BBS1: variants seen among roughly 807,000 people sequenced by gnomAD.
The protein encoded by BBS1 is BBSome complex member BBS1.
A neutral mutation model predicts 73.9 loss-of-function variants in BBS1; 60 were observed. The observed-to-expected ratio is 0.81, with a 90% CI of 0.66 to 1.01. BBS1 has a LOEUF of 1.01. BBS1 is among the 50% of genes least tolerant of loss of function. The pLI is 0.00. For missense variants in BBS1, 718 were observed against 770.3 expected, an observed-to-expected ratio of 0.93 and a Z score of 0.80; for synonymous variants, 283 against 317.4, an observed-to-expected ratio of 0.89 and a Z score of 1.15.
rs759690825 is a variant in BBS1, at chr11:66,523,777, C to T, written c.1005C>T (p.Leu335=). The T allele has an allele frequency of 6.2e-7, 1 of 1,613,372 alleles. No individual in the cohort carries two copies. The highest frequency in any genetic ancestry group is 1.1e-5 in the South Asian group (1 of 91,088). Residue 335 remains leucine, a synonymous_variant, in exon 11 of 17, where the codon CTC becomes CTT. Transcript: ENST00000318312. ...CCGCAGCCATCCTGACCATGAACCT[C>T]CTGGAGCAGCATTCCCGGGGCCTGC... The part of the protein sequence containing the change: ...QMPAAILTMN[L]LEQHSRGLQA...
chr11:66,531,020 T>G lies in BBS1; in HGVS notation c.1600T>G (p.Phe534Val), dbSNP rs749409030. The change falls in exon 15 of 17, where the codon TTC becomes GTC. Residue 534 changes from phenylalanine (F) to valine (V), a missense_variant. Coordinates refer to ENST00000318312, the MANE Select transcript of BBS1 (RefSeq NM_024649.5). ...GGCGCTCTATTCCCTGCCCCGGGCC[T>G]TCTTCAAGGTACTGGATGCTCCTCA... is the stretch of plus-strand genomic sequence containing the variant. ...NEALYSLPRA[F>V]FKVPLLVPGL... 3.0e-5 allele frequency: 49 copies of G among 1,614,076 alleles called. No individual in the cohort carries two copies. The highest frequency in any genetic ancestry group is 3.9e-5 in the Non-Finnish European group (46 of 1,180,024).
At position 66,514,548 on chromosome 11, in the gene BBS1, C is replaced by T. The variant is rs1856009814; in HGVS notation, c.302C>T (p.Thr101Ile). ...TFLMEQHEPR[T>I]PALALASGPC... ...CTCATGGAGCAACATGAGCCCCGGA[C>T]CCCAGCTCTGGCACTTGCTTCAGGC... is the stretch of plus-strand genomic sequence containing the variant. Residue 101 changes from threonine (T) to isoleucine (I), a missense_variant, in exon 4 of 17, where the codon ACC becomes ATC. Physicochemically the swap from Thr to Ile is moderately conservative, Grantham distance 89 (BLOSUM62 -1). Transcript: ENST00000318312. 2.5e-6 allele frequency: 4 copies of T among 1,614,042 alleles called. No homozygotes were observed. Among genetic ancestry groups the T allele is most frequent in the African/African-American group, 1.3e-5 (1 of 74,926 alleles).
intron 7 of BBS1, among the ~76,000 whole-genome samples, chr11:66,517,220 A>G: frequency 6.7e-6 from 1 of 148,672 alleles, no homozygotes; most frequent in Non-Finnish European, 1.5e-5. Flanking sequence ...CCAAAAAACA[A>G]AAAAAAAAAG....
At chr11:66,518,716 T>C (rs886635670) in intron 7 of BBS1, among the ~76,000 whole-genome samples, 4 of 151,468 alleles carry the variant, frequency 2.6e-5, no homozygotes, top group African/African-American at 4.8e-5. Context: ...CCTCCCAGAG[T>C]GCTGGGCTTA....
rs57206562 is a variant in BBS1, at chr11:66,516,587, G to A, written c.591+654G>A. On this transcript the variant is annotated intron_variant, in intron 7 of 16. Transcript: ENST00000318312. ...AGGGTAGGGAGCTGGGTCTTCCTCCGTCACCCAGGCTGGAGTGCAGTGGTG... is the reference window on the plus strand; with the variant it reads ...AGGGTAGGGAGCTGGGTCTTCCTCCATCACCCAGGCTGGAGTGCAGTGGTG... 7.0e-3 allele frequency among the ~76,000 whole-genome samples: 1,064 copies of A among 152,080 alleles called. 10 individuals are homozygous for A. The highest frequency in any genetic ancestry group is 0.024 in the African/African-American group (993 of 41,488).
At chr11:66,529,128 C>T (rs570608054) in intron 13 of BBS1, 286 of 976,710 alleles carry the variant, frequency 2.9e-4, no homozygotes, top group East Asian at 1.2e-3. Context: ...CACACATAAA[C>T]GGAAGAGCGA....
At chr11:66,525,938 C>T (rs1184697188) in intron 11 of BBS1, among the ~76,000 whole-genome samples, 185 bp from the exon 12 acceptor site, 2 of 152,098 alleles carry the variant, frequency 1.3e-5, no homozygotes, top group Non-Finnish European at 2.9e-5. Context: ...GATATTTGGT[C>T]TGGAACTGAG....
intron 1 of BBS1, 49 bp downstream of exon 1, chr11:66,510,755 G>T (rs757299270): frequency 5.6e-6 from 9 of 1,609,732 alleles, no homozygotes; most frequent in Non-Finnish European, 7.6e-6. Flanking sequence ...TGTAAAGAGG[G>T]TCCCTTGGTC....
chr11:66,524,870 C>G (rs955362229), intron 11 of BBS1, among the ~76,000 whole-genome samples: 1 of 151,846 alleles, frequency 6.6e-6, no homozygotes, highest in Non-Finnish European at 1.5e-5. Flanking sequence ...GCCTGGCCAA[C>G]ATGGTGAAAC....
In BBS1 at chr11:66,523,533, TG is replaced by T; in HGVS notation, c.910del (p.Val304TrpfsTer28). 1 of 1,614,118 alleles carries T rather than the reference TG, an allele frequency of 6.2e-7. No individual in the cohort carries two copies. Among genetic ancestry groups the T allele is most frequent in the South Asian group, 1.1e-5 (1 of 91,074 alleles). ...CTTATCCGGGTACACAAGGTCCTAG[TG>T]GTGGGCAGCACCCAAGACAGCCTGC... ...VGLIRVHKVLVVGSTQDSLHG... is the reference protein window; with the variant it reads ...VGLIRVHKVLXVGSTQDSLHG... On this transcript the variant is annotated frameshift_variant, in exon 10 of 17. Transcript: ENST00000318312. LOFTEE classifies it high-confidence loss of function.
chr11:66,531,511 C>T, intron 15 of BBS1, 145 bp from the exon 16 acceptor site: 1 of 1,064,402 alleles, frequency 9.4e-7, no homozygotes, highest in Non-Finnish European at 1.5e-6. Flanking sequence ...CCCCACCACA[C>T]CTGCATCCTC....
In BBS1 at chr11:66,511,197, T is replaced by G; in HGVS notation, c.125-8T>G. 1 of 1,614,104 alleles carries G rather than the reference T, an allele frequency of 6.2e-7. No homozygotes were observed. The highest frequency in any genetic ancestry group is 8.5e-7 in the Non-Finnish European group (1 of 1,180,028). The stretch of plus-strand genomic sequence containing the variant: ...TGAGACTCTGGTTTTGGCCCTTTTG[T>G]TTTCCAGCGCTGGCAGATTTACATG... On this transcript the variant is annotated splice_region_variant and splice_polypyrimidine_tract_variant and intron_variant, in intron 2 of 16. Coordinates refer to ENST00000318312, the MANE Select transcript of BBS1 (RefSeq NM_024649.5).
chr11:66,521,554 A>C (rs1265710758), intron 9 of BBS1, 178 bp downstream of exon 9: 2 of 661,636 alleles, frequency 3.0e-6, no homozygotes, highest in African/African-American at 3.6e-5. Flanking sequence ...GGCTTGTGAG[A>C]TAGGGGCTGG....
Position 66,533,271 on chromosome 11 carries a change from A to C in BBS1, c.*1234A>C, listed in dbSNP as rs1856855600. ...AAAACATACTTATTTAAAAACACAT[A>C]CCCACTTACTAATGTGGAATTACAC... is the stretch of plus-strand genomic sequence containing the variant. On this transcript the variant is annotated 3_prime_UTR_variant, in exon 17 of 17. Coordinates refer to ENST00000318312, the MANE Select transcript of BBS1 (RefSeq NM_024649.5). 6.6e-6 allele frequency: 1 copy of C among 152,182 alleles called. No individual in the cohort carries two copies. The highest frequency in any genetic ancestry group is 2.4e-5 in the African/African-American group (1 of 41,436). 9.4% of individuals were successfully genotyped at this position (152,182 alleles called of 1,614,324 possible).
chr11:66,532,351 G>C lies in BBS1; in HGVS notation c.*314G>C, dbSNP rs1312674843. ...CAGAGCTCCGAAGCGGTCAAAGTGA[G>C]CTGAGCAGGACAGGCCCAGCCTTTC... On this transcript the variant is annotated 3_prime_UTR_variant, in exon 17 of 17. Coordinates refer to ENST00000318312, the MANE Select transcript of BBS1 (RefSeq NM_024649.5). The C allele has an allele frequency of 1.7e-4, 74 of 426,392 alleles. No individual in the cohort carries two copies. In the South Asian group the frequency reaches 1.9e-3, roughly 11 times the overall value. The allele number at this position is 426,392 out of a possible 1,614,324, so 26.4% of individuals were successfully genotyped here.
Position 66,523,847 on chromosome 11 carries a change from C to G in BBS1, c.1075C>G (p.Arg359Gly). 1 of 1,613,590 alleles carries G rather than the reference C, an allele frequency of 6.2e-7. No homozygotes were observed. The highest frequency in any genetic ancestry group is 8.5e-7 in the Non-Finnish European group (1 of 1,180,038). Residue 359 changes from arginine (R) to glycine (G), a missense_variant, in exon 11 of 17, where the codon CGT (arginine) becomes GGT (glycine). Arg to Gly is a moderately radical substitution (Grantham distance 125). Coordinates refer to ENST00000318312, the MANE Select transcript of BBS1 (RefSeq NM_024649.5). ...GLANGEVRIY[R>G]DKALLNVIHT... is the part of the protein sequence containing the mutation. ...GGCCAATGGAGAGGTCCGCATTTAT[C>G]GTGACAAGGCCCTGCTCAATGTCAT...
chr11:66,512,042 G>A (rs1009258906), intron 3 of BBS1, among the ~76,000 whole-genome samples: 2 of 143,030 alleles, frequency 1.4e-5, no homozygotes, highest in Non-Finnish European at 3.0e-5. Flanking sequence ...GTATATATAT[G>A]TATATATATG....
intron 1 of BBS1, 86 bp downstream of exon 1, chr11:66,510,792 C>T (rs1855923724): frequency 8.9e-6 from 14 of 1,577,622 alleles, no homozygotes; most frequent in South Asian, 1.1e-5. Context: ...CTGCTGTTCT[C>T]GGGCAGTCTG....
chr11:66,525,696 G>A (rs1856459093), intron 11 of BBS1, among the ~76,000 whole-genome samples: 1 of 152,226 alleles, frequency 6.6e-6, no homozygotes, highest in South Asian at 2.1e-4. Flanking sequence ...TTGAAAGAAG[G>A]GTAAAGAGGA....
Sources: gnomAD v4.1 joint callset for allele counts (sites outside exome capture counted in the v4.1 genomes callset) on GRCh38, gnomAD v4.1.1 for gene constraint, MANE v1.5 for transcripts, NCBI Gene and HGNC (gene_info 2026-07-23, HGNC 2026-07-21) for gene names.